Variants in MAP3K4 observed in about 807,000 individuals in gnomAD.
MAP3K4 encodes the protein MAP three kinase 1.
MAP3K4 carries 67 observed loss-of-function variants against 185.6 expected under a neutral mutation model. The observed-to-expected ratio is 0.36, with a 90% CI of 0.30 to 0.44. The LOEUF is 0.44. Among genes scored for constraint, MAP3K4 ranks in the 20% least tolerant of loss-of-function variants. The pLI is 1.00. For missense variants in MAP3K4, 1,551 were observed against 1,995.1 expected, an observed-to-expected ratio of 0.78 and a Z score of 4.24; for synonymous variants, 702 against 710.4, an observed-to-expected ratio of 0.99 and a Z score of 0.19.
chr6:160,998,532 A>T (rs1463755349), intron 1 of MAP3K4, among the ~76,000 whole-genome samples: 2 of 152,204 alleles, frequency 1.3e-5, no homozygotes, highest in African/African-American at 4.8e-5. Flanking sequence ...GCCAAATTTT[A>T]AATGATTTTA....
Position 161,104,495 on chromosome 6 carries a change from C to T in MAP3K4, c.3856+1716C>T, listed in dbSNP as rs145637411. Among the ~76,000 whole-genome samples, 1,428 of 151,422 alleles carry T rather than the reference C, an allele frequency of 9.4e-3. 20 individuals carry two copies. Among genetic ancestry groups the T allele is most frequent in the African/African-American group, 0.032 (1,330 of 41,226 alleles). On this transcript the variant is annotated intron_variant, in intron 19 of 26. Transcript: ENST00000392142. Reference sequence around the variant, plus strand: ...TTGGGAGGCCAAGGCAGGTGGATCACGAGGTCAAGAGGTCGAAACCATCCT... The same window carrying T: ...TTGGGAGGCCAAGGCAGGTGGATCATGAGGTCAAGAGGTCGAAACCATCCT...
Position 161,054,739 on chromosome 6 carries a change from C to G in MAP3K4, c.1707+4760C>G, listed in dbSNP as rs1443331674. ...GCAGTTGTTTGGGATCTTGAAAATA[C>G]TTATCTATAGAAACAGTGTTGTAAA... On this transcript the variant is annotated intron_variant, in intron 3 of 26. Transcript: ENST00000392142. The surrounding 1 kb of genome is among the most constrained non-coding windows in gnomAD (Gnocchi z 4.2). Among the ~76,000 whole-genome samples the G allele has an allele frequency of 6.6e-6, 1 of 152,170 alleles. No individual in the cohort carries two copies. Among genetic ancestry groups the G allele is most frequent in the Non-Finnish European group, 1.5e-5 (1 of 68,032 alleles).
chr6:161,040,524 G>T (rs1014238273), intron 2 of MAP3K4, among the ~76,000 whole-genome samples: 3 of 152,148 alleles, frequency 2.0e-5, no homozygotes, highest in African/African-American at 7.2e-5. Context: ...TTTTTGTAAG[G>T]AGTCCATGGT....
rs148407200 is a variant in MAP3K4 at position 161,066,121 on chromosome 6, T to C, written c.1708-4487T>C. Among the ~76,000 whole-genome samples, 749 of 152,226 alleles carry C rather than the reference T, an allele frequency of 4.9e-3. 7 individuals are homozygous for C. Among genetic ancestry groups the C allele is most frequent in the African/African-American group, 0.017 (714 of 41,540 alleles). ...ATGGCTTTTCTCTTTGTTTGCTATT[T>C]TTCTTTCCCTATCTTGTGATTTTTT... On this transcript the variant is annotated intron_variant, in intron 3 of 26. Transcript: ENST00000392142.
Position 160,997,267 on chromosome 6 carries a change from C to T in MAP3K4, c.152+5184C>T, listed in dbSNP as rs569947033. Among the ~76,000 whole-genome samples the T allele has an allele frequency of 2.0e-5, 3 of 152,216 alleles. No individual in the cohort carries two copies. The South Asian group carries it at 6.2e-4, about 32-fold the overall frequency. On this transcript the variant is annotated intron_variant, in intron 1 of 26. Transcript: ENST00000392142. ...CCATAATCTCTGTCCCACCACCCCT[C>T]GCCAAGAATCCTTTAGCATAGTTTC...
intron 1 of MAP3K4, among the ~76,000 whole-genome samples, chr6:161,026,408 T>A (rs549420292): frequency 1.3e-5 from 2 of 152,106 alleles, no homozygotes; most frequent in South Asian, 2.1e-4. Flanking sequence ...GTGCTGGGAT[T>A]ACAGGCATGA....
intron 1 of MAP3K4, among the ~76,000 whole-genome samples, chr6:161,003,485 T>C (rs1781428180): frequency 6.6e-6 from 1 of 152,160 alleles, no homozygotes; most frequent in South Asian, 2.1e-4. Flanking sequence ...GTTCTAGAAA[T>C]CCTGAGTCAG....
intron 1 of MAP3K4, among the ~76,000 whole-genome samples, chr6:161,029,505 A>C (rs776093616): frequency 3.3e-5 from 5 of 152,220 alleles, no homozygotes; most frequent in African/African-American, 7.2e-5. Flanking sequence ...ACTGTAGTGT[A>C]ATAATAGTAC....
intron 23 of MAP3K4, 62 bp from the exon 24 acceptor site, chr6:161,111,774 C>T: frequency 6.5e-7 from 1 of 1,543,190 alleles, no homozygotes; most frequent in Non-Finnish European, 8.9e-7. Flanking sequence ...TTTAGATTAC[C>T]ATGTAACCTT....
At position 161,087,402 on chromosome 6, in the gene MAP3K4, C is replaced by CAA; in HGVS notation, c.2557-286_2557-285insAA. 6.6e-6 allele frequency among the ~76,000 whole-genome samples: 1 copy of CAA among 152,188 alleles called. No homozygotes were observed. Among genetic ancestry groups the CAA allele is most frequent in the Admixed American group, 6.5e-5 (1 of 15,280 alleles). ...GAGGTTCTTTCAGGCTGCCTTGCCT[C>CAA]CCCGTCGAGTATTTTCTTTGTTGTT... On this transcript the variant is annotated intron_variant, in intron 9 of 26. Coordinates refer to ENST00000392142, the MANE Select transcript of MAP3K4 (RefSeq NM_005922.4). The surrounding 1 kb of genome is among the most constrained non-coding windows in gnomAD (Gnocchi z 4.9).
chr6:161,117,071 G>T lies in MAP3K4; in HGVS notation c.*201G>T. ...CCTCTGGAGGGCTGGTGGCCACGAG[G>T]TTAAAGAAGCTGCATGTTAAGTGCC... is the stretch of plus-strand genomic sequence containing the variant. On this transcript the variant is annotated 3_prime_UTR_variant, in exon 27 of 27. Transcript: ENST00000392142. 1.7e-6 allele frequency: 1 copy of T among 597,242 alleles called. No homozygotes were observed. Among genetic ancestry groups the T allele is most frequent in the South Asian group, 2.1e-5 (1 of 48,236 alleles). The allele number at this position is 597,242 out of a possible 1,614,324, so 37.0% of individuals were successfully genotyped here. A position where few individuals can be genotyped will look rare whatever the true frequency, so the allele number is the denominator to read the frequency against.
At chr6:161,036,108 G>C (rs1029986304) in intron 2 of MAP3K4, among the ~76,000 whole-genome samples, 1 of 152,214 alleles carries the variant, frequency 6.6e-6, no homozygotes, top group Non-Finnish European at 1.5e-5. Flanking sequence ...CTAGATGTTT[G>C]TTGAGGTTCT....
At chr6:161,036,215 A>G (rs1051847112) in intron 2 of MAP3K4, among the ~76,000 whole-genome samples, 1 of 152,188 alleles carries the variant, frequency 6.6e-6, no homozygotes, top group African/African-American at 2.4e-5. Context: ...GAAATTATAG[A>G]ATTTTAGAGC....
At position 161,112,894 on chromosome 6, in the gene MAP3K4, T is replaced by C; in HGVS notation, c.4626+120T>C. 1 of 539,480 alleles carries C rather than the reference T, an allele frequency of 1.9e-6. No individual in the cohort carries two copies. Among genetic ancestry groups the C allele is most frequent in the Middle Eastern group, 3.8e-4 (1 of 2,658 alleles). The allele number at this position is 539,480 out of a possible 1,614,324, so 33.4% of individuals were successfully genotyped here. ...TGTGGACACTAAATAGCGAACGATA[T>C]TAGATACAAAAATCTGATCCATCAA... is the stretch of plus-strand genomic sequence containing the variant. On this transcript the variant is annotated intron_variant, in intron 25 of 26. Transcript: ENST00000392142. The surrounding 1 kb of genome is among the most constrained non-coding windows in gnomAD (Gnocchi z 5.1).
chr6:161,068,167 A>G (rs1583189851), intron 3 of MAP3K4, among the ~76,000 whole-genome samples: 1 of 152,332 alleles, frequency 6.6e-6, no homozygotes, highest in Middle Eastern at 3.4e-3. Flanking sequence ...CATGGAACTG[A>G]TGGTCTAATG....
Position 161,098,153 on chromosome 6 carries a change from A to C in MAP3K4, c.3525-125A>C. On this transcript the variant is annotated intron_variant, in intron 16 of 26. Coordinates refer to ENST00000392142, the MANE Select transcript of MAP3K4 (RefSeq NM_005922.4). The surrounding 1 kb of genome is among the most constrained non-coding windows in gnomAD (Gnocchi z 4.4). ...CACCTAGACTCAAATCTCAAAGAACAATTTGCATTTTATATTTTTAAATAT... is the reference window on the plus strand; with the variant it reads ...CACCTAGACTCAAATCTCAAAGAACCATTTGCATTTTATATTTTTAAATAT... 8.7e-7 allele frequency: 1 copy of C among 1,155,364 alleles called. No homozygotes were observed. Among genetic ancestry groups the C allele is most frequent in the African/African-American group, 1.5e-5 (1 of 64,606 alleles). 71.6% of individuals were successfully genotyped at this position (1,155,364 alleles called of 1,614,324 possible).
chr6:161,001,159 CAT>C (rs1781304350), intron 1 of MAP3K4, among the ~76,000 whole-genome samples: 1 of 146,516 alleles, frequency 6.8e-6, no homozygotes, highest in Non-Finnish European at 1.5e-5. Flanking sequence ...TATGTATATA[CAT>C]ATATATGTGT....
At position 161,087,823 on chromosome 6, in the gene MAP3K4, G is replaced by A. The variant is rs1392479552; in HGVS notation, c.2692G>A (p.Asp898Asn). 5.7e-5 allele frequency: 92 copies of A among 1,613,986 alleles called. No homozygotes were observed. The highest frequency in any genetic ancestry group is 7.0e-5 in the Non-Finnish European group (83 of 1,180,030). Residue 898 changes from aspartate (D) to asparagine (N), a missense_variant, in exon 10 of 27, where the codon GAT becomes AAT. Around this residue, in one of 16 missense-constraint regions of MAP3K4, gnomAD observed 261 missense variants for 306.5 expected, o/e 0.85. Coordinates refer to ENST00000392142, the MANE Select transcript of MAP3K4 (RefSeq NM_005922.4). The surrounding 1 kb of genome is among the most constrained non-coding windows in gnomAD (Gnocchi z 4.9). ...AAAAGATTCAGATGACGTACTCATCGATGCCTATCTGCTTCTGACCAAGCA... is the reference window on the plus strand; with the variant it reads ...AAAAGATTCAGATGACGTACTCATCAATGCCTATCTGCTTCTGACCAAGCA... ...CSKDSDDVLI[D>N]AYLLLTKHGD...
chr6:161,116,994 T>G lies in MAP3K4; in HGVS notation c.*124T>G, dbSNP rs894264020. ...CTTCCAAGACTGAAGACTGCACAGG[T>G]GACAAGCGTCACTTCTCCTGCTGCT... On this transcript the variant is annotated 3_prime_UTR_variant, in exon 27 of 27. Coordinates refer to ENST00000392142, the MANE Select transcript of MAP3K4 (RefSeq NM_005922.4). The surrounding 1 kb of genome is among the most constrained non-coding windows in gnomAD (Gnocchi z 6.2). 5.8e-6 allele frequency: 5 copies of G among 864,302 alleles called. No individual in the cohort carries two copies. The African/African-American group carries it at 8.4e-5, about 15-fold the overall frequency. 53.5% of individuals were successfully genotyped at this position (864,302 alleles called of 1,614,324 possible). A position where few individuals can be genotyped will look rare whatever the true frequency, so the allele number is the denominator to read the frequency against.
Sources: gnomAD v4.1 joint callset for allele counts (sites outside exome capture counted in the v4.1 genomes callset) on GRCh38, gnomAD v4.1.1 for gene constraint, gnomAD v4.1.1 regional missense constraint, Gnocchi (gnomAD v3.1) non-coding constraint, MANE v1.5 for transcripts, NCBI Gene and HGNC (gene_info 2026-07-23, HGNC 2026-07-21) for gene names.